The following AUTS2 variants were observed in gnomAD, a reference collection of about 807,000 sequenced individuals.
AUTS2 encodes autism susceptibility gene 2 protein.
Under a neutral mutation model 112.4 loss-of-function variants are expected in AUTS2, and 17 were observed. The observed-to-expected ratio is 0.15, with a 90% CI of 0.10 to 0.23. The LOEUF is 0.23. Among genes scored for constraint, AUTS2 ranks in the 10% least tolerant of loss-of-function variants. The probability of loss-of-function intolerance (pLI) is 1.00; values close to 1 mark genes in which losing one functional copy is unlikely to be tolerated. For synonymous variants in AUTS2, 751 were observed against 702.7 expected (o/e 1.07, Z -1.09); for missense variants, 1,510 against 1,701.6 (o/e 0.89, Z 1.98).
chr7:69,835,161 A>G (rs943922858), intron 1 of AUTS2, among the ~76,000 whole-genome samples: 4 of 151,964 alleles, frequency 2.6e-5, no homozygotes, highest in African/African-American at 9.7e-5. Context: ...GAATCTCACT[A>G]ATTTCTAGGT....
chr7:69,810,514 T>G (rs1433779160), intron 1 of AUTS2, among the ~76,000 whole-genome samples: 1 of 151,770 alleles, frequency 6.6e-6, no homozygotes. Context: ...GAGCCTCAGT[T>G]TTTTTTTGAT....
At chr7:70,512,091 C>G (rs776142403) in intron 5 of AUTS2, among the ~76,000 whole-genome samples, 1 of 152,184 alleles carries the variant, frequency 6.6e-6, no homozygotes, top group Admixed American at 6.5e-5. Flanking sequence ...ATTTATTTGT[C>G]TGTGACCTTT....
intron 5 of AUTS2, among the ~76,000 whole-genome samples, chr7:70,441,119 A>T (rs1317000357): frequency 1.3e-5 from 2 of 152,214 alleles, no homozygotes; most frequent in African/African-American, 2.4e-5. Flanking sequence ...GCATAAGTAT[A>T]CATGCAGTAC....
chr7:69,816,328 A>G (rs1790760219), intron 1 of AUTS2, among the ~76,000 whole-genome samples: 1 of 152,204 alleles, frequency 6.6e-6, no homozygotes, highest in Non-Finnish European at 1.5e-5. Context: ...AGCAGATTGA[A>G]TCAGTTGGGG....
At chr7:69,855,020 T>G (rs1234821141) in intron 1 of AUTS2, among the ~76,000 whole-genome samples, 2 of 152,200 alleles carry the variant, frequency 1.3e-5, no homozygotes, top group Non-Finnish European at 2.9e-5. Context: ...AATAGAGACT[T>G]TATTGATGAA....
chr7:70,553,051 C>G (rs77580084), intron 5 of AUTS2, among the ~76,000 whole-genome samples: 2,123 of 152,292 alleles, frequency 0.014, 49 homozygotes, highest in African/African-American at 0.048. Context: ...ATGACGTACT[C>G]TCTCTAGACC....
At chr7:70,362,766 A>G (rs1260276780) in intron 4 of AUTS2, among the ~76,000 whole-genome samples, 1 of 152,128 alleles carries the variant, frequency 6.6e-6, no homozygotes, top group East Asian at 1.9e-4. Context: ...AATGCTTCAT[A>G]TAGTTCCTTG....
At chr7:70,245,499 G>C (rs1199719244) in intron 4 of AUTS2, among the ~76,000 whole-genome samples, 4 of 152,130 alleles carry the variant, frequency 2.6e-5, no homozygotes, top group African/African-American at 9.7e-5. Flanking sequence ...ACATTCTGTA[G>C]ATGGAATATA....
intron 1 of AUTS2, among the ~76,000 whole-genome samples, chr7:69,752,784 A>G (rs1392873574): frequency 6.6e-6 from 1 of 152,116 alleles, no homozygotes; most frequent in Non-Finnish European, 1.5e-5. Flanking sequence ...TTTCAATGGG[A>G]AAGGAGATAA....
At chr7:69,945,976 A>G (rs1164650370) in intron 2 of AUTS2, among the ~76,000 whole-genome samples, 2 of 152,040 alleles carry the variant, frequency 1.3e-5, no homozygotes, top group Non-Finnish European at 2.9e-5. Flanking sequence ...AGCTGGGATT[A>G]TAGGCTCGTG....
At chr7:70,456,439 T>C (rs1796743015) in intron 5 of AUTS2, among the ~76,000 whole-genome samples, 1 of 152,234 alleles carries the variant, frequency 6.6e-6, no homozygotes, top group African/African-American at 2.4e-5. Context: ...TTGGGAGAAA[T>C]TCTGTTGTCA....
chr7:70,463,814 G>C (rs145530569), intron 5 of AUTS2, among the ~76,000 whole-genome samples: 17 of 152,366 alleles, frequency 1.1e-4, no homozygotes, highest in Non-Finnish European at 2.4e-4. Context: ...ACACCATGGA[G>C]AGGGAGGAAG....
intron 4 of AUTS2, among the ~76,000 whole-genome samples, chr7:70,306,339 C>T (rs1197522821): frequency 1.3e-5 from 2 of 152,300 alleles, no homozygotes; most frequent in African/African-American, 2.4e-5. Flanking sequence ...CAGGCTGTTT[C>T]AACAGCTGGG....
intron 6 of AUTS2, among the ~76,000 whole-genome samples, chr7:70,709,588 G>A (rs952650249): frequency 6.6e-6 from 1 of 152,136 alleles, no homozygotes; most frequent in African/African-American, 2.4e-5. Flanking sequence ...GCACACGCCT[G>A]TAATCCCAGG....
chr7:70,270,636 C>T (rs897559422), intron 4 of AUTS2, among the ~76,000 whole-genome samples: 2 of 152,150 alleles, frequency 1.3e-5, no homozygotes, highest in African/African-American at 4.8e-5. Flanking sequence ...TGCAATGGCT[C>T]TGTGGAAGAA....
At chr7:70,147,225 A>G (rs1807175393) in intron 4 of AUTS2, among the ~76,000 whole-genome samples, 2 of 152,094 alleles carry the variant, frequency 1.3e-5, no homozygotes. Flanking sequence ...ATCTCTTAAA[A>G]AAAAAAAAAG....
intron 4 of AUTS2, among the ~76,000 whole-genome samples, chr7:70,244,035 A>G (rs2129601527): frequency 6.6e-6 from 1 of 152,252 alleles, no homozygotes; most frequent in Admixed American, 6.5e-5. Flanking sequence ...CTGTCAAGGT[A>G]AAAATGAGAG....
At chr7:70,401,837 A>G (rs970199661) in intron 4 of AUTS2, among the ~76,000 whole-genome samples, 2 of 152,224 alleles carry the variant, frequency 1.3e-5, no homozygotes, top group Non-Finnish European at 2.9e-5. Context: ...CCCCAGGAGT[A>G]TGTGGCACAG....
intron 4 of AUTS2, among the ~76,000 whole-genome samples, chr7:70,355,523 C>T (rs1791967605): frequency 6.6e-6 from 1 of 152,076 alleles, no homozygotes; most frequent in South Asian, 2.1e-4. Context: ...CTTTCCAATC[C>T]TTGTCCACCA....
Sources: allele counts gnomAD v4.1 joint callset (sites outside exome capture counted in the v4.1 genomes callset), GRCh38; gene constraint gnomAD v4.1.1; transcripts MANE v1.5; gene names NCBI Gene and HGNC (gene_info 2026-07-23, HGNC 2026-07-21).